The following OSBPL2 variants were observed in gnomAD, a reference collection of about 807,000 sequenced individuals.
The protein encoded by OSBPL2 is oxysterol binding protein like 2.
In OSBPL2, 18 loss-of-function variants were observed where a neutral mutation model predicts 58.4. That is an observed-to-expected ratio of 0.31 (90% CI 0.21 to 0.46). OSBPL2 has a LOEUF of 0.46. OSBPL2 is among the 20% of genes least tolerant of loss of function. OSBPL2 has a pLI of 1.00. For missense variants in OSBPL2, 461 were observed against 616.5 expected (o/e 0.75, Z 2.67); for synonymous variants, 221 against 234.1 (o/e 0.94, Z 0.51).
Position 62,294,066 on chromosome 20 carries a change from C to A in OSBPL2, c.*179C>A. ...TAACTGTTGATTGCCAAACATTTCA[C>A]TCTGCTGTGCCGTCTCTTCATAAAG... is the stretch of plus-strand genomic sequence containing the variant. On this transcript the variant is annotated 3_prime_UTR_variant, in exon 14 of 14. Coordinates refer to ENST00000313733, the MANE Select transcript of OSBPL2 (RefSeq NM_144498.4). 1.3e-6 allele frequency: 1 copy of A among 785,696 alleles called. No homozygotes were observed. The highest frequency in any genetic ancestry group is 1.9e-6 in the Non-Finnish European group (1 of 515,986). The allele number at this position is 785,696 out of a possible 1,614,324, so 48.7% of individuals were successfully genotyped here. A position where few individuals can be genotyped will look rare whatever the true frequency, so the allele number is the denominator to read the frequency against.
At chr20:62,246,706 C>T (rs1228660495) in intron 1 of OSBPL2, among the ~76,000 whole-genome samples, 1 of 152,148 alleles carries the variant, frequency 6.6e-6, no homozygotes, top group Non-Finnish European at 1.5e-5. Flanking sequence ...CGCCCCTGTC[C>T]CTCAGCCCCT....
At chr20:62,283,116 CAGTG>C (rs1164985142) in intron 9 of OSBPL2, among the ~76,000 whole-genome samples, 1 of 152,220 alleles carries the variant, frequency 6.6e-6, no homozygotes, top group African/African-American at 2.4e-5. Context: ...CGCTGACCCT[CAGTG>C]AGTGCATGTA....
intron 9 of OSBPL2, among the ~76,000 whole-genome samples, chr20:62,283,511 G>A (rs1982917800): frequency 6.6e-6 from 1 of 152,146 alleles, no homozygotes. Context: ...CTCTGCAAAG[G>A]TCTCTGGGTT....
chr20:62,256,156 CA>C lies in OSBPL2; in HGVS notation c.-28del, dbSNP rs750494394. 6.2e-6 allele frequency: 10 copies of C among 1,612,476 alleles called. No homozygotes were observed. In the Admixed American group the frequency reaches 6.7e-5, roughly 11 times the overall value. ...GATGATTCAGTAGAAGAGCACATGT[CA>C]GGGGCAGTGGAGGCTGGCTGCTGAA... On this transcript the variant is annotated 5_prime_UTR_variant, in exon 2 of 14. It removes the in-frame stop codon of an upstream open reading frame in the 5' UTR. Transcript: ENST00000313733.
At chr20:62,283,908 C>G in intron 9 of OSBPL2, 138 bp from the exon 10 acceptor site, 1 of 833,174 alleles carries the variant, frequency 1.2e-6, no homozygotes, top group Non-Finnish European at 1.9e-6. Context: ...AAATTTTCAC[C>G]TTCGCATTTA....
chr20:62,263,628 G>A lies in OSBPL2; in HGVS notation c.195G>A (p.Pro65=), dbSNP rs148250350. The change falls in exon 4 of 14, where the codon CCG becomes CCA. Residue 65 remains proline (P), a synonymous_variant. Coordinates refer to ENST00000313733, the MANE Select transcript of OSBPL2 (RefSeq NM_144498.4). ...NGIQKHRTSL[P]APMFSRSDFS... ...TTGTGCTTCGCAGGACATCGCTGCCGGCTCCCATGTTCAGCAGAAGCGACT... is the reference window on the plus strand; with the variant it reads ...TTGTGCTTCGCAGGACATCGCTGCCAGCTCCCATGTTCAGCAGAAGCGACT... 1.0e-4 allele frequency: 167 copies of A among 1,613,986 alleles called. No individual in the cohort carries two copies. Among genetic ancestry groups the A allele is most frequent in the African/African-American group, 3.7e-4 (28 of 74,912 alleles).
chr20:62,246,241 A>T (rs950580234), intron 1 of OSBPL2, among the ~76,000 whole-genome samples: 2 of 152,180 alleles, frequency 1.3e-5, no homozygotes, highest in African/African-American at 4.8e-5. Context: ...TGTGTCCAGG[A>T]TGGGCGCCAC....
rs536318948 is a variant in OSBPL2, at chr20:62,277,994, T to G, written c.492-1163T>G. Among the ~76,000 whole-genome samples, 6 of 152,230 alleles carry G rather than the reference T, an allele frequency of 3.9e-5. No individual in the cohort carries two copies. The South Asian group carries it at 1.0e-3, about 26-fold the overall frequency. ...TTTAGGGTCCTGAGTTCCTGGGCAA[T>G]GGGAGTCCCTCGGGGTTGAGGGTTT... On this transcript the variant is annotated intron_variant, in intron 6 of 13. Transcript: ENST00000313733.
Position 62,258,594 on chromosome 20 carries a change from C to T in OSBPL2, c.38-1387C>T, listed in dbSNP as rs142674834. Among the ~76,000 whole-genome samples, 56 of 152,306 alleles carry T rather than the reference C, an allele frequency of 3.7e-4. No homozygotes were observed. The East Asian group carries it at 9.5e-3, about 26-fold the overall frequency. The stretch of plus-strand genomic sequence containing the variant: ...ATTTTCTGTTTTTCTACAATAAATG[C>T]ATGTGGTGTCTTAGAATGTTATTAG... On this transcript the variant is annotated intron_variant, in intron 2 of 13. Transcript: ENST00000313733.
At chr20:62,252,908 C>T (rs773278257) in intron 1 of OSBPL2, among the ~76,000 whole-genome samples, 6 of 152,230 alleles carry the variant, frequency 3.9e-5, no homozygotes, top group East Asian at 1.9e-4. Context: ...AGCACCAAGC[C>T]GTGAGGGATC....
chr20:62,279,248 C>T lies in OSBPL2; in HGVS notation c.583C>T (p.Leu195=), dbSNP rs760879649. 6.2e-7 allele frequency: 1 copy of T among 1,614,122 alleles called. No homozygotes were observed. Among genetic ancestry groups the T allele is most frequent in the East Asian group, 2.2e-5 (1 of 44,906 alleles). ...CTCGGAAGGTCTCAACCATGACTTC[C>T]TGTTCCATGGCTCCATCTACCCCAA... ...FHSEGLNHDF[L]FHGSIYPKLK... The change falls in exon 7 of 14, where the codon CTG becomes TTG. Residue 195 remains leucine (L), a synonymous_variant. Transcript: ENST00000313733.
intron 12 of OSBPL2, 116 bp from the exon 13 acceptor site, chr20:62,291,587 G>A: frequency 1.1e-6 from 1 of 872,874 alleles, no homozygotes; most frequent in Non-Finnish European, 1.9e-6. Context: ...AGAACCTGTT[G>A]TCTGTGGCAT....
intron 1 of OSBPL2, among the ~76,000 whole-genome samples, chr20:62,247,357 C>T (rs1255443317): frequency 6.6e-6 from 1 of 152,212 alleles, no homozygotes; most frequent in Non-Finnish European, 1.5e-5. Flanking sequence ...GGAGCAGAAC[C>T]AGGCCTGTGG....
intron 2 of OSBPL2, among the ~76,000 whole-genome samples, chr20:62,256,923 G>A (rs1009912841): frequency 1.3e-5 from 2 of 152,162 alleles, no homozygotes; most frequent in African/African-American, 4.8e-5. Flanking sequence ...TCTGTGCCTC[G>A]GAGTCAGCAT....
chr20:62,251,416 T>C (rs1980529802), intron 1 of OSBPL2, among the ~76,000 whole-genome samples: 2 of 150,392 alleles, frequency 1.3e-5, no homozygotes, highest in African/African-American at 4.9e-5. Context: ...ACTTTTTTTT[T>C]TTTTTTTTTA....
Position 62,281,147 on chromosome 20 carries a change from T to C in OSBPL2, c.764T>C (p.Val255Ala). ...GKLWIEQYGT[V>A]EILNHRTGHK... ...CTGTGGATAGAGCAGTATGGGACAG[T>C]GGAGATTTTAAACCACAGGTGACAG... is the stretch of plus-strand genomic sequence containing the variant. The change falls in exon 8 of 14, where the codon GTG becomes GCG. Residue 255 changes from valine (V) to alanine (A), a missense_variant. Coordinates refer to ENST00000313733, the MANE Select transcript of OSBPL2 (RefSeq NM_144498.4). 6.2e-7 allele frequency: 1 copy of C among 1,611,340 alleles called. No individual in the cohort carries two copies. The highest frequency in any genetic ancestry group is 8.5e-7 in the Non-Finnish European group (1 of 1,177,690).
chr20:62,289,869 C>T (rs1366256944), intron 12 of OSBPL2, among the ~76,000 whole-genome samples: 1 of 152,168 alleles, frequency 6.6e-6, no homozygotes, highest in African/African-American at 2.4e-5. Context: ...TATACCACTG[C>T]ACTCCAGCCA....
rs966891711 is a variant in OSBPL2 at position 62,252,782 on chromosome 20, C to T, written c.-128-3275C>T. Among the ~76,000 whole-genome samples, 7 of 152,358 alleles carry T rather than the reference C, an allele frequency of 4.6e-5. No homozygotes were observed. In the East Asian group the frequency reaches 9.6e-4, roughly 21 times the overall value. ...GAGGAGGCCTCAGGGAGCTTTTACT[C>T]GTGGTGGAAGGCGAAGCGGGTGCAG... On this transcript the variant is annotated intron_variant, in intron 1 of 13. Coordinates refer to ENST00000313733, the MANE Select transcript of OSBPL2 (RefSeq NM_144498.4).
intron 4 of OSBPL2, among the ~76,000 whole-genome samples, chr20:62,265,164 G>A (rs189798171): frequency 4.2e-4 from 64 of 152,160 alleles, no homozygotes; most frequent in Non-Finnish European, 6.0e-4. Context: ...TTCCATTCTC[G>A]TTCGTTCTTC....
Sources: gnomAD v4.1 joint callset for allele counts (sites outside exome capture counted in the v4.1 genomes callset) on GRCh38, gnomAD v4.1.1 for gene constraint, MANE v1.5 for transcripts, NCBI Gene and HGNC (gene_info 2026-07-23, HGNC 2026-07-21) for gene names.